Variants in TUBGCP2 observed in about 807,000 individuals in gnomAD.
The protein encoded by TUBGCP2 is gamma-tubulin complex component 2.
Under a neutral mutation model 92.2 loss-of-function variants are expected in TUBGCP2, and 55 were observed. That is an observed-to-expected ratio of 0.60 (90% confidence interval 0.48 to 0.75). The LOEUF (loss-of-function observed/expected upper bound fraction) is 0.75, where lower values mean the gene tolerates loss of function less well. Ranked by LOEUF, TUBGCP2 falls within the 30% of genes least tolerant of loss-of-function variation. TUBGCP2 has a pLI of 0.00. For missense variants in TUBGCP2, 1,093 were observed against 1,188.9 expected, an observed-to-expected ratio of 0.92 and a Z score of 1.19; for synonymous variants, 533 against 505.2, an observed-to-expected ratio of 1.06 and a Z score of -0.74.
rs3008328 is a variant in TUBGCP2 at position 133,279,086 on chromosome 10, G to C, written c.*680C>G. ...GATTGGGTGTCAGTCTGCTGAGTAA[G>C]TTCTACGTAACAAGGCGGTACCGGA... is the stretch of plus-strand genomic sequence containing the variant. On this transcript the variant is annotated 3_prime_UTR_variant, in exon 18 of 18. Transcript: ENST00000252936. 136,021 of 152,340 alleles carry C rather than the reference G, an allele frequency of 0.89. 60,813 individuals are homozygous for C. The highest frequency in any genetic ancestry group is 0.94 in the East Asian group (4,892 of 5,188). The allele number at this position is 152,340 out of a possible 1,614,324, so 9.4% of individuals were successfully genotyped here.
At chr10:133,291,127 G>A (rs1564938653) in intron 8 of TUBGCP2, 2 of 335,610 alleles carry the variant, frequency 6.0e-6, no homozygotes, top group Non-Finnish European at 5.5e-6. Context: ...AAGCAGCTGG[G>A]CCATTCCTGC....
In TUBGCP2 at chr10:133,285,045, C is replaced by T. The variant is rs2136111516; in HGVS notation, c.2024+40G>A. 6.4e-7 allele frequency: 1 copy of T among 1,567,738 alleles called. No homozygotes were observed. The highest frequency in any genetic ancestry group is 8.7e-7 in the Non-Finnish European group (1 of 1,153,164). ...ACCACTGGGCAGAGTGCAGCGAGCGCTGCTTCAGGAGGGCATGCGGGGGCA... is the reference window on the plus strand; with the variant it reads ...ACCACTGGGCAGAGTGCAGCGAGCGTTGCTTCAGGAGGGCATGCGGGGGCA... On this transcript the variant is annotated intron_variant, in intron 13 of 17. Transcript: ENST00000252936. The surrounding 1 kb of genome is among the most constrained non-coding windows in gnomAD (Gnocchi z 6.8).
intron 5 of TUBGCP2, among the ~76,000 whole-genome samples, chr10:133,296,272 C>G (rs1004756948): frequency 6.6e-6 from 1 of 152,164 alleles, no homozygotes; most frequent in African/African-American, 2.4e-5. Flanking sequence ...TCCAAAAAGC[C>G]GGCTCCACTG....
chr10:133,289,623 C>G (rs1847222212), intron 9 of TUBGCP2, among the ~76,000 whole-genome samples: 2 of 152,226 alleles, frequency 1.3e-5, no homozygotes, highest in Non-Finnish European at 2.9e-5. Flanking sequence ...AACCTGGCAA[C>G]AGAGACCATC....
At chr10:133,283,669 T>G (rs571696574) in intron 14 of TUBGCP2, among the ~76,000 whole-genome samples, 1 of 142,698 alleles carries the variant, frequency 7.0e-6, no homozygotes, top group African/African-American at 2.9e-5. Context: ...CGTGTCTCCC[T>G]GCACTCCCTG....
chr10:133,295,834 T>C (rs1353129460), intron 5 of TUBGCP2: 1 of 152,536 alleles, frequency 6.6e-6, no homozygotes, highest in Admixed American at 6.5e-5. Context: ...GGTCCCGTGG[T>C]GTGGCACTGG....
upstream of TUBGCP2, chr10:133,310,420 A>C: frequency 8.5e-7 from 1 of 1,169,998 alleles, no homozygotes; most frequent in Non-Finnish European, 1.2e-6. Flanking sequence ...ACCTGCAGGT[A>C]CCTGAAGCCC....
intron 16 of TUBGCP2, 46 bp downstream of exon 16, chr10:133,282,177 G>A: frequency 6.2e-7 from 1 of 1,609,648 alleles, no homozygotes; most frequent in Non-Finnish European, 8.5e-7. Flanking sequence ...CTGCCGCCCA[G>A]CCGGGAGGAA....
At position 133,297,941 on chromosome 10, in the gene TUBGCP2, G is replaced by T. The variant is rs199904066; in HGVS notation, c.616+11C>A. ...CTATCGGCAGAGCCCGGAAATCAAC[G>T]CATCACGTACCTATCGGCAAAGCGG... On this transcript the variant is annotated intron_variant, in intron 5 of 17. Transcript: ENST00000252936. 97 of 1,610,444 alleles carry T rather than the reference G, an allele frequency of 6.0e-5. No individual in the cohort carries two copies. Among genetic ancestry groups the T allele is most frequent in the Middle Eastern group, 1.9e-4 (1 of 5,198 alleles).
intron 4 of TUBGCP2, 116 bp downstream of exon 4, chr10:133,299,311 A>T (rs916050281): frequency 2.4e-6 from 2 of 821,398 alleles, no homozygotes; most frequent in African/African-American, 3.5e-5. Context: ...TAAATGACAG[A>T]GAGACATGTC....
At chr10:133,290,179 A>G in intron 8 of TUBGCP2, 1 of 624,906 alleles carries the variant, frequency 1.6e-6, no homozygotes, top group South Asian at 2.1e-5. Context: ...TCACGCCTGT[A>G]ACCCCAACAC....
intron 16 of TUBGCP2, 75 bp from the exon 17 acceptor site, chr10:133,281,511 C>A: frequency 1.9e-6 from 3 of 1,543,144 alleles, no homozygotes; most frequent in South Asian, 1.2e-5. Flanking sequence ...CTGTTCCCAG[C>A]AGGCCGGTGT....
chr10:133,311,803 C>T (rs1244032049), upstream of TUBGCP2: 1 of 1,613,406 alleles, frequency 6.2e-7, no homozygotes, highest in Admixed American at 1.7e-5. Context: ...TGGCAGCCTC[C>T]CCTGCACCGG....
At chr10:133,287,397 C>G (rs753530787) in intron 11 of TUBGCP2, among the ~76,000 whole-genome samples, 2 of 152,194 alleles carry the variant, frequency 1.3e-5, no homozygotes, top group African/African-American at 4.8e-5. Context: ...CTGGGCAACA[C>G]AGACCCCCGT....
At position 133,299,569 on chromosome 10, in the gene TUBGCP2, C is replaced by A. The variant is rs758268995; in HGVS notation, c.314G>T (p.Arg105Ile). The part of the protein sequence containing the change: ...LQYLQQNAKE[R>I]AELAAAAVGS... ...CACAGCAGCGGCTGCAAGCTCAGCTCTTTCTTTTGCATTCTGTTGTAAGTA... is the reference window on the plus strand; with the variant it reads ...CACAGCAGCGGCTGCAAGCTCAGCTATTTCTTTTGCATTCTGTTGTAAGTA... The change falls in exon 4 of 18, where the codon AGA (arginine) becomes ATA (isoleucine). Residue 105 changes from arginine (R) to isoleucine (I), a missense_variant. Physicochemically the swap from Arg to Ile is moderately conservative, Grantham distance 97. Around this residue, in one of 3 missense-constraint regions of TUBGCP2, gnomAD observed 490 missense variants for 488.5 expected, o/e 1.00. Transcript: ENST00000252936. 17 of 1,613,128 alleles carry A rather than the reference C, an allele frequency of 1.1e-5. No individual in the cohort carries two copies. The South Asian group carries it at 1.9e-4, about 18-fold the overall frequency.
rs755886485 is a variant in TUBGCP2, at chr10:133,288,817, A to G, written c.1541+23T>C. Reference sequence around the variant, plus strand: ...GTTTCAGAGGGAGGTGAGTGCCCGCACAGGGACAGGGCACGGAATCACCTG... The same window carrying G: ...GTTTCAGAGGGAGGTGAGTGCCCGCGCAGGGACAGGGCACGGAATCACCTG... On this transcript the variant is annotated intron_variant, in intron 10 of 17. Coordinates refer to ENST00000252936, the MANE Select transcript of TUBGCP2 (RefSeq NM_006659.4). 11 of 1,581,292 alleles carry G rather than the reference A, an allele frequency of 7.0e-6. No homozygotes were observed. The African/African-American group carries it at 1.5e-4, about 21-fold the overall frequency.
intron 4 of TUBGCP2, among the ~76,000 whole-genome samples, chr10:133,298,706 C>A (rs756700671): frequency 5.3e-5 from 8 of 152,254 alleles, no homozygotes; most frequent in Non-Finnish European, 8.8e-5. Flanking sequence ...GGGACACGGG[C>A]AGATGCAAAC....
At chr10:133,303,205 G>T (rs1458955281) in intron 1 of TUBGCP2, among the ~76,000 whole-genome samples, 1 of 150,404 alleles carries the variant, frequency 6.6e-6, no homozygotes, top group Non-Finnish European at 1.5e-5. Flanking sequence ...CTCTCAGAGG[G>T]TCCTCTGGAC....
chr10:133,310,328 T>A (rs777555735), upstream of TUBGCP2: 6 of 1,611,082 alleles, frequency 3.7e-6, no homozygotes, highest in Admixed American at 1.7e-5. Flanking sequence ...TGCTTTTGAT[T>A]TTAGGAAAAG....
Sources: allele counts gnomAD v4.1 joint callset (sites outside exome capture counted in the v4.1 genomes callset), GRCh38; gene constraint gnomAD v4.1.1; regional missense constraint gnomAD v4.1.1; non-coding constraint Gnocchi (gnomAD v3.1); transcripts MANE v1.5; gene names NCBI Gene and HGNC (gene_info 2026-07-23, HGNC 2026-07-21).